GRAMD1B: variants seen among roughly 807,000 people sequenced by gnomAD.
GRAMD1B encodes protein Aster-B.
A neutral mutation model predicts 99.7 loss-of-function variants in GRAMD1B; 37 were observed. That is an observed-to-expected ratio of 0.37 (90% CI 0.29 to 0.49). The LOEUF (loss-of-function observed/expected upper bound fraction) is 0.49. Ranked by LOEUF, GRAMD1B falls within the 20% of genes least tolerant of loss-of-function variation. The pLI is 0.98. For synonymous variants in GRAMD1B, 427 were observed against 387.6 expected (o/e 1.10, Z -1.19); for missense variants, 888 against 1,009.2 (o/e 0.88, Z 1.63).
In GRAMD1B at chr11:123,393,495, G is replaced by A. The variant is rs542595761; in HGVS notation, c.-176+34696G>A. 4.6e-5 allele frequency among the ~76,000 whole-genome samples: 7 copies of A among 152,288 alleles called. No individual in the cohort carries two copies. In the South Asian group the frequency reaches 1.5e-3, roughly 32 times the overall value. On this transcript the variant is annotated intron_variant, in intron 1 of 20. Coordinates refer to the GRAMD1B transcript ENST00000638157. Reference sequence around the variant, plus strand: ...GCAGTCATTTGAAGCATTGACTGGGGCTGGAGGATCCAGTTCCAAGATGGC... The same window carrying A: ...GCAGTCATTTGAAGCATTGACTGGGACTGGAGGATCCAGTTCCAAGATGGC...
chr11:123,585,006 G>T (rs1387656718), intron 4 of GRAMD1B, among the ~76,000 whole-genome samples: 1 of 152,230 alleles, frequency 6.6e-6, no homozygotes, highest in Non-Finnish European at 1.5e-5. Flanking sequence ...GTTTTCCTCT[G>T]CAGAGCAGCT....
At chr11:123,429,031 A>G (rs1948751943), upstream of GRAMD1B, among the ~76,000 whole-genome samples, 1 of 152,050 alleles carries the variant, frequency 6.6e-6, no homozygotes, top group African/African-American at 2.4e-5. This position sits in a 1 kb window ranked among gnomAD's most constrained non-coding sequence, Gnocchi z 4.0. Context: ...ATATCGACAA[A>G]AAGAAATAAA....
Position 123,467,837 on chromosome 11 carries a change from C to CCTTCCTT in GRAMD1B, c.375-12978_375-12977insTTCCTTC, listed in dbSNP as rs58621803. On this transcript the variant is annotated intron_variant, in intron 1 of 19. Transcript: ENST00000635736. ...TTTTCTTTTCCCTCCCTCCCTCCCT[C>CCTTCCTT]CCTCCCTTCCTTCCTTCCTTCCTTT... is the stretch of plus-strand genomic sequence containing the variant. Among the ~76,000 whole-genome samples the CCTTCCTT allele has an allele frequency of 6.5e-4, 34 of 52,464 alleles. 1 individual carries two copies. The highest frequency in any genetic ancestry group is 1.7e-3 in the African/African-American group (31 of 17,766). The allele number at this position is 52,464 out of a possible 152,430, so 34.4% of individuals were successfully genotyped here.
chr11:123,363,286 C>T (rs761115614), intron 1 of GRAMD1B, among the ~76,000 whole-genome samples: 2 of 152,162 alleles, frequency 1.3e-5, no homozygotes, highest in African/African-American at 4.8e-5. Context: ...CCCGTGATGG[C>T]GTTTTCATGA....
At chr11:123,484,908 G>A (rs1951804963) in intron 2 of GRAMD1B, among the ~76,000 whole-genome samples, 1 of 152,148 alleles carries the variant, frequency 6.6e-6, no homozygotes, top group African/African-American at 2.4e-5. Context: ...GTGATGTTCT[G>A]ACCTGGGGTG....
chr11:123,540,845 A>G (rs1441451594), intron 2 of GRAMD1B, among the ~76,000 whole-genome samples: 2 of 152,296 alleles, frequency 1.3e-5, no homozygotes, highest in East Asian at 3.9e-4. Context: ...TTCATAGTTA[A>G]TTTTAAGGAT....
chr11:123,442,864 C>T (rs1383850101), intron 1 of GRAMD1B, among the ~76,000 whole-genome samples: 1 of 151,738 alleles, frequency 6.6e-6, no homozygotes, highest in Non-Finnish European at 1.5e-5. Context: ...TATGCCCCCC[C>T]CCACCCCTTT....
rs74635799 is a variant in GRAMD1B, at chr11:123,366,427, G to A, written c.-176+7628G>A. On this transcript the variant is annotated intron_variant, in intron 1 of 20. Coordinates refer to the GRAMD1B transcript ENST00000638157. ...CCCAAAGTATAATTCTCAGGACACC[G>A]GCATGCCCCATGGGCCTGGGTGTGT... 5.8e-4 allele frequency among the ~76,000 whole-genome samples: 89 copies of A among 152,322 alleles called. No individual in the cohort carries two copies. The East Asian group carries it at 0.015, about 26-fold the overall frequency.
rs1952797631 is a variant in GRAMD1B, at chr11:123,606,793, A to T, written c.1508A>T (p.Asp503Val). Residue 503 changes from aspartate (D) to valine (V), a missense_variant, in exon 11 of 20, where the codon GAT (aspartate) becomes GTT (valine). Around this residue, in one of 5 missense-constraint regions of GRAMD1B, gnomAD observed 269 missense variants for 296.6 expected, o/e 0.91. Transcript: ENST00000635736. ...TELSDSSDTH[D>V]EGEVQAFYED... ...CTCAGTGACTCTTCCGACACACACG[A>T]TGAAGGTGGGCATTTGAAAATGGGT... 1.9e-6 allele frequency: 3 copies of T among 1,613,278 alleles called. No individual in the cohort carries two copies. Among genetic ancestry groups the T allele is most frequent in the Non-Finnish European group, 2.5e-6 (3 of 1,179,466 alleles).
chr11:123,504,376 T>G (rs1940205804), intron 2 of GRAMD1B, among the ~76,000 whole-genome samples: 4 of 152,228 alleles, frequency 2.6e-5, no homozygotes, highest in Admixed American at 1.3e-4. Flanking sequence ...TGTGCAGTAC[T>G]AGAGATGACT....
chr11:123,486,405 C>T (rs1410349672), intron 2 of GRAMD1B, among the ~76,000 whole-genome samples: 2 of 151,932 alleles, frequency 1.3e-5, no homozygotes, highest in Non-Finnish European at 1.5e-5. Context: ...AAAAATTAGC[C>T]GGGCATGGTG....
Position 123,449,575 on chromosome 11 carries a change from GA to G in GRAMD1B, c.374+18410del, listed in dbSNP as rs1340553453. 1.4e-3 allele frequency among the ~76,000 whole-genome samples: 219 copies of G among 152,290 alleles called. 4 individuals carry two copies. Among genetic ancestry groups the G allele is most frequent in the Non-Finnish European group, 1.9e-4 (13 of 68,030 alleles). ...TCTGAGTCTTTAGTAAGTGCCCAGA[GA>G]GCAGACACTGCTTTTTATTTTTATT... On this transcript the variant is annotated intron_variant, in intron 1 of 19. Transcript: ENST00000635736.
intron 1 of GRAMD1B, among the ~76,000 whole-genome samples, chr11:123,461,566 T>C (rs1156283417): frequency 6.6e-6 from 1 of 152,210 alleles, no homozygotes; most frequent in Non-Finnish European, 1.5e-5. Flanking sequence ...TATGGTTTCT[T>C]CCCCAGCTGG....
At chr11:123,419,240 G>T (rs1423431081) in intron 1 of GRAMD1B, among the ~76,000 whole-genome samples, 1 of 152,170 alleles carries the variant, frequency 6.6e-6, no homozygotes, top group Non-Finnish European at 1.5e-5. Context: ...TGACCACAGA[G>T]GTTGTCTGGT....
chr11:123,419,389 G>C (rs952048663), intron 1 of GRAMD1B, among the ~76,000 whole-genome samples: 7 of 152,164 alleles, frequency 4.6e-5, no homozygotes, highest in Non-Finnish European at 1.5e-5. Flanking sequence ...CAGCACTTTG[G>C]GAGGCCAAGG....
At chr11:123,579,474 G>A (rs998974386) in intron 3 of GRAMD1B, among the ~76,000 whole-genome samples, 1 of 152,200 alleles carries the variant, frequency 6.6e-6, no homozygotes, top group Non-Finnish European at 1.5e-5. Flanking sequence ...CAGGGAAGGA[G>A]GAACTTTACC....
chr11:123,503,271 G>A (rs1940075269), intron 2 of GRAMD1B, among the ~76,000 whole-genome samples: 1 of 152,176 alleles, frequency 6.6e-6, no homozygotes, highest in African/African-American at 2.4e-5. Flanking sequence ...TTTGTCATCT[G>A]AAAGCACAGT....
At chr11:123,389,900 G>A (rs969555482) in intron 1 of GRAMD1B, among the ~76,000 whole-genome samples, 6 of 151,926 alleles carry the variant, frequency 3.9e-5, no homozygotes, top group Admixed American at 2.6e-4. Context: ...GATTACAAGC[G>A]TATGCCACAG....
At chr11:123,504,776 G>T (rs1940252396) in intron 2 of GRAMD1B, among the ~76,000 whole-genome samples, 1 of 152,258 alleles carries the variant, frequency 6.6e-6, no homozygotes, top group East Asian at 1.9e-4. Context: ...CCGCCTACCA[G>T]GTTCAAGCGA....
Sources: gnomAD v4.1 joint callset for allele counts (sites outside exome capture counted in the v4.1 genomes callset) on GRCh38, gnomAD v4.1.1 for gene constraint, gnomAD v4.1.1 regional missense constraint, Gnocchi (gnomAD v3.1) non-coding constraint, MANE v1.5 for transcripts, NCBI Gene and HGNC (gene_info 2026-07-23, HGNC 2026-07-21) for gene names.